ADGRL3: variants seen among roughly 807,000 people sequenced by gnomAD.
The protein encoded by ADGRL3 is adhesion G protein-coupled receptor L3, also known as calcium-independent alpha-latrotoxin receptor 3.
Under a neutral mutation model 153.5 loss-of-function variants are expected in ADGRL3, and 62 were observed. That is an observed-to-expected ratio of 0.40 (90% CI 0.33 to 0.50). The LOEUF (loss-of-function observed/expected upper bound fraction) is 0.50. Among genes scored for constraint, ADGRL3 ranks in the 20% least tolerant of loss-of-function variants. The pLI is 0.47. For missense variants in ADGRL3, 1,641 were observed against 1,859.4 expected (o/e 0.88, Z 2.16); for synonymous variants, 710 against 672.5 (o/e 1.06, Z -0.86).
chr4:61,603,549 C>T (rs1214802166), intron 5 of ADGRL3, among the ~76,000 whole-genome samples: 1 of 152,102 alleles, frequency 6.6e-6, no homozygotes, highest in Admixed American at 6.6e-5. Context: ...TAAACACATT[C>T]CACTGTAAGG....
chr4:61,421,144 C>T (rs1321973318), intron 2 of ADGRL3, among the ~76,000 whole-genome samples: 1 of 152,080 alleles, frequency 6.6e-6, no homozygotes, highest in Non-Finnish European at 1.5e-5. Context: ...ACCATCCTGG[C>T]TAACACGGTG....
chr4:61,238,560 A>G (rs924195788), intron 1 of ADGRL3, among the ~76,000 whole-genome samples: 3 of 151,852 alleles, frequency 2.0e-5, no homozygotes, highest in African/African-American at 4.8e-5. Context: ...TGTATATCCA[A>G]AGTTATTTTG....
intron 13 of ADGRL3, among the ~76,000 whole-genome samples, chr4:61,913,692 T>C (rs2098732618): frequency 6.6e-6 from 1 of 152,160 alleles, no homozygotes; most frequent in Non-Finnish European, 1.5e-5. Context: ...TTTGTTTGTT[T>C]ATGCCTTTCC....
At chr4:61,500,964 G>A (rs1010904671) in intron 3 of ADGRL3, among the ~76,000 whole-genome samples, 1 of 152,102 alleles carries the variant, frequency 6.6e-6, no homozygotes, top group South Asian at 2.1e-4. Flanking sequence ...TCCTATCAAG[G>A]CCATTCCTCT....
chr4:61,573,499 C>A (rs2098847492), intron 4 of ADGRL3, among the ~76,000 whole-genome samples: 1 of 151,880 alleles, frequency 6.6e-6, no homozygotes, highest in African/African-American at 2.4e-5. Context: ...ATTTCTAATT[C>A]TTCCCCCTCT....
chr4:62,047,287 T>C (rs1275400286), intron 25 of ADGRL3, among the ~76,000 whole-genome samples: 1 of 152,032 alleles, frequency 6.6e-6, no homozygotes, highest in Non-Finnish European at 1.5e-5. Flanking sequence ...CTATTTTTAC[T>C]TTAGGTTTTC....
intron 21 of ADGRL3, 104 bp downstream of exon 21, chr4:61,998,369 G>A: frequency 1.9e-6 from 1 of 522,140 alleles, no homozygotes; most frequent in East Asian, 3.2e-5. Context: ...TAAAGAATAT[G>A]GGTGTATTGT....
chr4:61,472,435 C>G (rs1313315282), intron 2 of ADGRL3, among the ~76,000 whole-genome samples: 1 of 152,016 alleles, frequency 6.6e-6, no homozygotes, highest in African/African-American at 2.4e-5. Context: ...GAATCCACTT[C>G]CAAGCTTATT....
intron 1 of ADGRL3, among the ~76,000 whole-genome samples, chr4:61,223,354 C>T (rs1746517347): frequency 6.6e-6 from 1 of 152,186 alleles, no homozygotes. Flanking sequence ...TTAATGGGCT[C>T]TCTGCAGTTA....
At chr4:61,907,177 A>G (rs1274816430) in intron 11 of ADGRL3, among the ~76,000 whole-genome samples, 1 of 152,136 alleles carries the variant, frequency 6.6e-6, no homozygotes, top group African/African-American at 2.4e-5. Context: ...GATTCCATAG[A>G]CAGTATAGGA....
chr4:61,779,204 G>T (rs990378816), intron 8 of ADGRL3, among the ~76,000 whole-genome samples: 15 of 151,982 alleles, frequency 9.9e-5, no homozygotes, highest in African/African-American at 3.6e-4. Context: ...ATATTCATTT[G>T]TATAATCAAA....
At chr4:61,319,422 G>C (rs1028988888) in intron 1 of ADGRL3, among the ~76,000 whole-genome samples, 1 of 152,130 alleles carries the variant, frequency 6.6e-6, no homozygotes, top group East Asian at 1.9e-4. Context: ...ACATTTATAT[G>C]TTTATAGTTA....
intron 5 of ADGRL3, among the ~76,000 whole-genome samples, chr4:61,624,616 CCAGT>C (rs2092723071): frequency 6.6e-6 from 1 of 151,832 alleles, no homozygotes; most frequent in Non-Finnish European, 1.5e-5. Flanking sequence ...TAGAATGATA[CCAGT>C]CTTGTAATCC....
intron 2 of ADGRL3, among the ~76,000 whole-genome samples, chr4:61,424,328 C>A (rs2097250550): frequency 6.6e-6 from 1 of 152,142 alleles, no homozygotes; most frequent in African/African-American, 2.4e-5. Context: ...TGCCGCACAG[C>A]CATTTTCCTT....
At chr4:61,996,965 A>G (rs1016643228) in intron 20 of ADGRL3, among the ~76,000 whole-genome samples, 4 of 151,328 alleles carry the variant, frequency 2.6e-5, no homozygotes, top group Admixed American at 1.3e-4. Flanking sequence ...ATGTACTTAT[A>G]ATTTTAAAAA....
chr4:61,896,667 A>G (rs1409081199), intron 11 of ADGRL3, among the ~76,000 whole-genome samples: 1 of 152,210 alleles, frequency 6.6e-6, no homozygotes, highest in African/African-American at 2.4e-5. Flanking sequence ...CAGATGAGCC[A>G]TAACTATCTA....
At chr4:61,823,071 C>T (rs755106062) in intron 9 of ADGRL3, among the ~76,000 whole-genome samples, 2 of 152,150 alleles carry the variant, frequency 1.3e-5, no homozygotes, top group Non-Finnish European at 2.9e-5. Flanking sequence ...TAGCTATGAT[C>T]AGGCTCAGTT....
At chr4:61,621,801 G>A (rs535854306) in intron 5 of ADGRL3, among the ~76,000 whole-genome samples, 1 of 151,974 alleles carries the variant, frequency 6.6e-6, no homozygotes, top group South Asian at 2.1e-4. Context: ...TTTAATTTTT[G>A]CTATGAAATT....
At chr4:61,245,298 C>G (rs1447534779) in intron 1 of ADGRL3, among the ~76,000 whole-genome samples, 2 of 152,050 alleles carry the variant, frequency 1.3e-5, no homozygotes, top group African/African-American at 2.4e-5. Context: ...AGGCAGCTCC[C>G]TTTCTCATCT....
Sources: gnomAD v4.1 joint callset for allele counts (sites outside exome capture counted in the v4.1 genomes callset) on GRCh38, gnomAD v4.1.1 for gene constraint, MANE v1.5 for transcripts, NCBI Gene and HGNC (gene_info 2026-07-23, HGNC 2026-07-21) for gene names.